MICU2: variants seen among roughly 807,000 people sequenced by gnomAD.
The protein encoded by MICU2 is mitochondrial calcium uptake 2, also known as calcium uptake protein 2, mitochondrial.
In MICU2, 64 loss-of-function variants were observed where a neutral mutation model predicts 60.4. The observed-to-expected ratio is 1.06, with a 90% CI of 0.87 to 1.31. The LOEUF is 1.31. Among genes scored for constraint, MICU2 ranks in the 50% most tolerant of loss-of-function variants. MICU2 has a pLI of 0.00. For missense variants in MICU2, 569 were observed against 531.0 expected (o/e 1.07, Z -0.70); for synonymous variants, 201 against 175.0 (o/e 1.15, Z -1.17).
At chr13:21,495,940 C>G (rs989162868) in intron 10 of MICU2, 112 bp downstream of exon 10, 2 of 684,974 alleles carry the variant, frequency 2.9e-6, no homozygotes, top group Middle Eastern at 3.5e-4. Context: ...ATTAAAAGGT[C>G]AATCAACTAT....
intron 8 of MICU2, among the ~76,000 whole-genome samples, chr13:21,507,824 A>G (rs957725629): frequency 2.6e-5 from 4 of 151,586 alleles, no homozygotes; most frequent in Admixed American, 1.3e-4. Flanking sequence ...GGCTGGTCTA[A>G]AAACTCCTGA....
At chr13:21,549,746 A>G (rs2138016360) in intron 2 of MICU2, among the ~76,000 whole-genome samples, 1 of 152,316 alleles carries the variant, frequency 6.6e-6, no homozygotes, top group East Asian at 1.9e-4. Context: ...CTCTCTTCCC[A>G]GTTCAGCAAC....
chr13:21,557,066 T>C (rs1463096070), intron 2 of MICU2, among the ~76,000 whole-genome samples: 1 of 152,028 alleles, frequency 6.6e-6, no homozygotes, highest in African/African-American at 2.4e-5. Context: ...GGAGGAAAAA[T>C]ATCCAAGAGG....
chr13:21,593,754 CA>C (rs1888636495), intron 1 of MICU2, among the ~76,000 whole-genome samples: 1 of 152,100 alleles, frequency 6.6e-6, no homozygotes, highest in Non-Finnish European at 1.5e-5. Flanking sequence ...TGATCTTCAA[CA>C]AACCTGACAA....
Position 21,539,363 on chromosome 13 carries a change from T to C in MICU2, c.405A>G (p.Thr135=), listed in dbSNP as rs760218586. The C allele has an allele frequency of 6.2e-7, 1 of 1,613,812 alleles. No individual in the cohort carries two copies. Among genetic ancestry groups the C allele is most frequent in the East Asian group, 2.2e-5 (1 of 44,894 alleles). The part of the protein sequence containing the change: ...KKLTKKDIED[T]LSGIQTAGCG... ...AGCCAGCTGTTTGGATCCCTGACAG[T>C]GTATCCTCGATGTCCTTTGAATACA... Residue 135 remains threonine, a synonymous_variant, in exon 4 of 12, where the codon ACA becomes ACG. Transcript: ENST00000382374.
At chr13:21,603,624 C>G in intron 1 of MICU2, 2 of 404,014 alleles carry the variant, frequency 5.0e-6, no homozygotes. Context: ...TTAGGAGCCT[C>G]GAATTAAGAC....
intron 2 of MICU2, among the ~76,000 whole-genome samples, chr13:21,543,440 A>G (rs1887331386): frequency 6.6e-6 from 1 of 152,222 alleles, no homozygotes; most frequent in South Asian, 2.1e-4. Context: ...GTCTCTACCA[A>G]AAAACTCTTA....
At chr13:21,556,490 G>A (rs1248103539) in intron 2 of MICU2, among the ~76,000 whole-genome samples, 2 of 152,108 alleles carry the variant, frequency 1.3e-5, no homozygotes, top group Admixed American at 6.6e-5. Context: ...TAAATAGCAC[G>A]TATATATTGA....
chr13:21,567,047 C>T, intron 1 of MICU2, 103 bp from the exon 2 acceptor site: 1 of 947,728 alleles, frequency 1.1e-6, no homozygotes, highest in Non-Finnish European at 1.5e-6. Context: ...ATCTGACAAT[C>T]CCCAAACTTT....
chr13:21,531,824 G>A (rs1887008349), intron 4 of MICU2, among the ~76,000 whole-genome samples: 1 of 152,160 alleles, frequency 6.6e-6, no homozygotes, highest in South Asian at 2.1e-4. Context: ...AAGCATAGCT[G>A]TATCTAAAAA....
At position 21,525,820 on chromosome 13, in the gene MICU2, C is replaced by T. The variant is rs142851534; in HGVS notation, c.467-3170G>A. 3.3e-5 allele frequency among the ~76,000 whole-genome samples: 5 copies of T among 151,812 alleles called. No individual in the cohort carries two copies. The East Asian group carries it at 9.7e-4, about 29-fold the overall frequency. The stretch of plus-strand genomic sequence containing the variant: ...CCCTTATTATATATATGAATATATA[C>T]GATTTGAAAATATTTTCTCCCATTT... On this transcript the variant is annotated intron_variant, in intron 4 of 11. Transcript: ENST00000382374.
At chr13:21,553,974 A>T (rs1887637690) in intron 2 of MICU2, among the ~76,000 whole-genome samples, 1 of 152,248 alleles carries the variant, frequency 6.6e-6, no homozygotes, top group Non-Finnish European at 1.5e-5. Context: ...TTCAACAAGA[A>T]GAACTAACTA....
intron 2 of MICU2, among the ~76,000 whole-genome samples, chr13:21,555,693 T>A (rs922050430): frequency 6.6e-6 from 1 of 152,168 alleles, no homozygotes; most frequent in East Asian, 1.9e-4. Flanking sequence ...TCTCAATCCA[T>A]CAACTCTCTC....
At chr13:21,592,517 G>GAC (rs71093336) in intron 1 of MICU2, among the ~76,000 whole-genome samples, 148,452 of 152,254 alleles carry the variant, frequency 0.98, 72,471 homozygotes, top group Middle Eastern at 1. Flanking sequence ...ATTTTATGAA[G>GAC]AGCATCATCC....
chr13:21,500,912 TAG>T (rs1886135375), intron 9 of MICU2, among the ~76,000 whole-genome samples: 1 of 152,200 alleles, frequency 6.6e-6, no homozygotes, highest in African/African-American at 2.4e-5. Flanking sequence ...GGGTTTTGCT[TAG>T]AAAGGTATAT....
rs143843531 is a variant in MICU2, at chr13:21,520,759, C to T, written c.597+486G>A. 9.0e-3 allele frequency among the ~76,000 whole-genome samples: 1,362 copies of T among 151,740 alleles called. 16 individuals are homozygous for T. Among genetic ancestry groups the T allele is most frequent in the Middle Eastern group, 0.044 (13 of 294 alleles). ...CATCTTAGAAAATACCATTTAAACA[C>T]GTTTTCAGCTCTTCAAATATTAGCC... On this transcript the variant is annotated intron_variant, in intron 6 of 11. Coordinates refer to ENST00000382374, the MANE Select transcript of MICU2 (RefSeq NM_152726.3).
At chr13:21,546,796 T>A (rs1479778607) in intron 2 of MICU2, among the ~76,000 whole-genome samples, 1 of 152,166 alleles carries the variant, frequency 6.6e-6, no homozygotes, top group Non-Finnish European at 1.5e-5. Context: ...CATCTGAGAT[T>A]GCTAATTTAA....
chr13:21,517,271 A>G (rs1886593282), intron 6 of MICU2, among the ~76,000 whole-genome samples: 1 of 152,240 alleles, frequency 6.6e-6, no homozygotes, highest in Non-Finnish European at 1.5e-5. Flanking sequence ...TATTACTTTT[A>G]CATTTGCTAC....
Position 21,604,110 on chromosome 13 carries a change from G to C in MICU2, c.39C>G (p.Ala13=). 6.3e-7 allele frequency: 1 copy of C among 1,583,106 alleles called. No homozygotes were observed. The highest frequency in any genetic ancestry group is 8.6e-7 in the Non-Finnish European group (1 of 1,166,616). ...GCCCCCGTCGCAGTTTTCCGCCCCAGGCCGCCACCCGCGCGCAGCTACCCG... is the reference window on the plus strand; with the variant it reads ...GCCCCCGTCGCAGTTTTCCGCCCCACGCCGCCACCCGCGCGCAGCTACCCG... ...AAAGSCARVA[A]WGGKLRRGLA... is the part of the protein sequence containing the mutation. Residue 13 remains alanine (A), a synonymous_variant, in exon 1 of 12, where the codon GCC becomes GCG. Transcript: ENST00000382374.
Sources: allele counts gnomAD v4.1 joint callset (sites outside exome capture counted in the v4.1 genomes callset), GRCh38; gene constraint gnomAD v4.1.1; transcripts MANE v1.5; gene names NCBI Gene and HGNC (gene_info 2026-07-23, HGNC 2026-07-21).